VPS13D: variants seen among roughly 807,000 people sequenced by gnomAD.
VPS13D encodes intermembrane lipid transfer protein VPS13D.
In VPS13D, 187 loss-of-function variants were observed where a neutral mutation model predicts 461.9. The observed-to-expected ratio is 0.40, with a 90% confidence interval of 0.36 to 0.46. The LOEUF is 0.46. Ranked by LOEUF, VPS13D falls within the 20% of genes least tolerant of loss-of-function variation. VPS13D has a pLI of 0.60. For synonymous variants in VPS13D, 1,951 were observed against 1,986.3 expected (o/e 0.98, Z 0.47); for missense variants, 4,711 against 5,364.9 (o/e 0.88, Z 3.81).
At chr1:12,235,577 A>G (rs1483972864) in intron 2 of VPS13D, among the ~76,000 whole-genome samples, 2 of 152,298 alleles carry the variant, frequency 1.3e-5, no homozygotes, top group South Asian at 4.1e-4. Flanking sequence ...CTCCATCGCA[A>G]AAAATAAAAA....
chr1:12,367,330 A>G (rs898783231), intron 52 of VPS13D, among the ~76,000 whole-genome samples: 1 of 152,138 alleles, frequency 6.6e-6, no homozygotes, highest in African/African-American at 2.4e-5. Context: ...GATGCCTGTG[A>G]TGTCTGTTGG....
At chr1:12,433,227 T>G (rs572034357) in intron 65 of VPS13D, among the ~76,000 whole-genome samples, 1 of 151,970 alleles carries the variant, frequency 6.6e-6, no homozygotes, top group Non-Finnish European at 1.5e-5. Context: ...CTTTGCTTTT[T>G]GCCTTTTCGC....
At position 12,261,105 on chromosome 1, in the gene VPS13D, T is replaced by A; in HGVS notation, c.1370T>A (p.Leu457Gln). The A allele has an allele frequency of 1.2e-6, 2 of 1,614,218 alleles. No homozygotes were observed. Among genetic ancestry groups the A allele is most frequent in the Non-Finnish European group, 1.7e-6 (2 of 1,180,030 alleles). Residue 457 changes from leucine (L) to glutamine (Q), a missense_variant, in exon 12 of 70, where the codon CTG (leucine) becomes CAG (glutamine). This residue lies in a region of VPS13D where 4,411 missense variants were observed against 4,937.8 expected (regional missense o/e 0.89). Transcript: ENST00000620676. ...QTPEGNVVEGLSAEQQEQWIP... is the reference protein window; with the variant it reads ...QTPEGNVVEGQSAEQQEQWIP... ...CCAGAAGGGAATGTGGTTGAGGGAC[T>A]GTCAGCAGAGCAACAGGAGCAGTGG...
At chr1:12,409,290 C>G (rs1644693785) in intron 63 of VPS13D, among the ~76,000 whole-genome samples, 1 of 152,104 alleles carries the variant, frequency 6.6e-6, no homozygotes, top group Middle Eastern at 3.2e-3. Context: ...TTTCCCTTCT[C>G]TATGGTTTTA....
At chr1:12,462,618 G>T (rs1327760997) in intron 67 of VPS13D, among the ~76,000 whole-genome samples, 2 of 152,224 alleles carry the variant, frequency 1.3e-5, no homozygotes, top group South Asian at 4.1e-4. Context: ...CAGCACCACT[G>T]CATTGCACCC....
At chr1:12,265,276 A>C (rs1024696279) in intron 13 of VPS13D, among the ~76,000 whole-genome samples, 3 of 152,188 alleles carry the variant, frequency 2.0e-5, no homozygotes, top group Non-Finnish European at 4.4e-5. Context: ...GAGTAATTTC[A>C]ACATTCAAGT....
intron 29 of VPS13D, 130 bp downstream of exon 29, chr1:12,312,055 T>C: frequency 5.0e-6 from 3 of 598,124 alleles, no homozygotes; most frequent in South Asian, 3.1e-5. Flanking sequence ...GAGTGTCTTT[T>C]GGTTGATCTA....
intron 67 of VPS13D, among the ~76,000 whole-genome samples, chr1:12,480,473 A>G (rs1645699971): frequency 6.6e-6 from 1 of 152,162 alleles, no homozygotes; most frequent in Non-Finnish European, 1.5e-5. Context: ...TTATGATTCC[A>G]TGGTCAAAGT....
intron 67 of VPS13D, among the ~76,000 whole-genome samples, chr1:12,491,975 G>A (rs927188808): frequency 1.3e-5 from 2 of 152,228 alleles, no homozygotes; most frequent in Non-Finnish European, 2.9e-5. Context: ...CATGTGCGCT[G>A]AACAGACTCC....
chr1:12,421,177 A>G (rs546296286), intron 65 of VPS13D, among the ~76,000 whole-genome samples: 32 of 152,290 alleles, frequency 2.1e-4, no homozygotes, highest in African/African-American at 7.5e-4. Context: ...TTCAAATGTA[A>G]GATTTAAGTC....
chr1:12,258,228 G>C, intron 10 of VPS13D, 125 bp downstream of exon 10: 1 of 1,213,054 alleles, frequency 8.2e-7, no homozygotes, highest in Non-Finnish European at 1.1e-6. Flanking sequence ...AATTTTATAG[G>C]ATAGAGTTGG....
chr1:12,327,846 C>T lies in VPS13D; in HGVS notation c.8189C>T (p.Thr2730Ile), dbSNP rs771954131. 6.2e-7 allele frequency: 1 copy of T among 1,613,702 alleles called. No homozygotes were observed. ...MDCDVPLAEL[T>I]FSRLNFLQRV... ...TGTGATGTTCCTCTCGCTGAACTCA[C>T]CTTTTCCCGTGAGTGTTGTACTGGT... The change falls in exon 36 of 70, where the codon ACC becomes ATC. Residue 2730 changes from threonine (T) to isoleucine (I), a missense_variant. Physicochemically the swap from Thr to Ile is moderately conservative, Grantham distance 89 (BLOSUM62 -1). Transcript: ENST00000620676.
intron 40 of VPS13D, among the ~76,000 whole-genome samples, chr1:12,339,130 T>A (rs1643512350): frequency 6.6e-6 from 1 of 151,094 alleles, no homozygotes; most frequent in Non-Finnish European, 1.5e-5. Flanking sequence ...TTTACCAGGG[T>A]GGATGTTTGA....
In VPS13D at chr1:12,461,063, C is replaced by T. The variant is rs555528366; in HGVS notation, c.12662+667C>T. On this transcript the variant is annotated intron_variant, in intron 67 of 69. Transcript: ENST00000620676. ...ACCCCACAGAACCCAACTGCTTTAA[C>T]GTAGCTGTTTGCTTGAATGGCCTAT... Among the ~76,000 whole-genome samples the T allele has an allele frequency of 1.8e-4, 28 of 152,282 alleles. No individual in the cohort carries two copies. The South Asian group carries it at 5.4e-3, about 29-fold the overall frequency.
chr1:12,436,282 G>A (rs1160831964), intron 65 of VPS13D, among the ~76,000 whole-genome samples: 1 of 152,240 alleles, frequency 6.6e-6, no homozygotes, highest in East Asian at 1.9e-4. Context: ...AGGAAGGTCT[G>A]TACAGGGGAA....
chr1:12,422,019 G>A (rs659937), intron 65 of VPS13D, among the ~76,000 whole-genome samples: 32,679 of 152,022 alleles, frequency 0.21, 4,227 homozygotes, highest in South Asian at 0.31. Flanking sequence ...AGTAGAGATG[G>A]GGTTTCACCA....
intron 63 of VPS13D, among the ~76,000 whole-genome samples, chr1:12,406,448 G>T (rs1220987815): frequency 6.6e-6 from 1 of 152,166 alleles, no homozygotes; most frequent in Non-Finnish European, 1.5e-5. Context: ...GGTATTGAAG[G>T]AATAATTATC....
intron 10 of VPS13D, 95 bp downstream of exon 10, chr1:12,258,198 G>A: frequency 6.8e-7 from 1 of 1,473,278 alleles, no homozygotes; most frequent in Non-Finnish European, 9.2e-7. Flanking sequence ...AAGTAATAAA[G>A]TCCCATGCCA....
rs1339375971 is a variant in VPS13D, at chr1:12,291,078, C to T, written c.5806C>T (p.Arg1936Trp). 3.7e-6 allele frequency: 6 copies of T among 1,613,970 alleles called. No individual in the cohort carries two copies. The highest frequency in any genetic ancestry group is 1.3e-5 in the African/African-American group (1 of 75,024). ...LTCHGEFYRE[R>W]FTTSGEEALI... ...ATGCCATGGAGAGTTCTACAGAGAA[C>T]GGTTCACTACCAGTGGTGAAGAAGC... Residue 1936 changes from arginine to tryptophan, a missense_variant, in exon 23 of 70, where the codon CGG (arginine) becomes TGG (tryptophan). Physicochemically the swap from Arg to Trp is moderately radical, Grantham distance 101. Around this residue, in one of 3 missense-constraint regions of VPS13D, gnomAD observed 4,411 missense variants for 4,937.8 expected, o/e 0.89. Coordinates refer to ENST00000620676, the MANE Select transcript of VPS13D (RefSeq NM_015378.4).
Sources: gnomAD v4.1 joint callset for allele counts (sites outside exome capture counted in the v4.1 genomes callset) on GRCh38, gnomAD v4.1.1 for gene constraint, gnomAD v4.1.1 regional missense constraint, MANE v1.5 for transcripts, NCBI Gene and HGNC (gene_info 2026-07-23, HGNC 2026-07-21) for gene names.